DCC: variants seen among roughly 807,000 people sequenced by gnomAD.
The protein encoded by DCC is DCC netrin 1 receptor.
A neutral mutation model predicts 172.5 loss-of-function variants in DCC; 58 were observed. That is an observed-to-expected ratio of 0.34 (90% CI 0.27 to 0.42). DCC has a LOEUF of 0.42. DCC is among the 10% of genes least tolerant of loss of function. The pLI, the probability that DCC is intolerant of heterozygous loss-of-function variation, is 1.00. For missense variants in DCC, 1,740 were observed against 1,791.0 expected, an observed-to-expected ratio of 0.97 and a Z score of 0.51; for synonymous variants, 709 against 644.5, an observed-to-expected ratio of 1.10 and a Z score of -1.52.
At chr18:52,742,202 A>G (rs963510302) in intron 1 of DCC, among the ~76,000 whole-genome samples, 2 of 152,266 alleles carry the variant, frequency 1.3e-5, no homozygotes, top group Admixed American at 6.5e-5. Context: ...AATCTATGGT[A>G]TTTTGTTATG....
intron 12 of DCC, among the ~76,000 whole-genome samples, chr18:53,217,299 A>G (rs2055867974): frequency 1.1e-5 from 1 of 94,048 alleles, no homozygotes; most frequent in Non-Finnish European, 1.9e-5. Flanking sequence ...ACACACACAC[A>G]CATATGTATA....
intron 1 of DCC, among the ~76,000 whole-genome samples, chr18:52,673,588 AT>A (rs1399474678): frequency 6.6e-6 from 1 of 152,072 alleles, no homozygotes; most frequent in Non-Finnish European, 1.5e-5. Flanking sequence ...TTCACTATAA[AT>A]TTTTTCCCTC....
At chr18:52,809,552 C>T (rs1216539024) in intron 2 of DCC, 1 of 153,276 alleles carries the variant, frequency 6.5e-6, no homozygotes, top group Non-Finnish European at 1.4e-5. Context: ...AGCCTTTAGC[C>T]ATATCGGGAG....
chr18:53,320,262 C>T (rs776954566), intron 13 of DCC, among the ~76,000 whole-genome samples: 4 of 151,854 alleles, frequency 2.6e-5, no homozygotes, highest in African/African-American at 2.4e-5. Context: ...TTAGTAGAGA[C>T]GGGGTTCCAC....
intron 2 of DCC, among the ~76,000 whole-genome samples, chr18:52,857,548 T>G (rs1422414682): frequency 6.6e-6 from 1 of 152,216 alleles, no homozygotes; most frequent in African/African-American, 2.4e-5. Context: ...TGAATTTGGC[T>G]GTCTAGACAC....
intron 14 of DCC, among the ~76,000 whole-genome samples, chr18:53,337,776 C>T (rs949537610): frequency 2.6e-5 from 4 of 152,206 alleles, no homozygotes; most frequent in African/African-American, 9.6e-5. Flanking sequence ...CTATCTATCA[C>T]TTAAGCTAGA....
chr18:52,517,315 C>T (rs1050675276), intron 1 of DCC, among the ~76,000 whole-genome samples: 1 of 152,104 alleles, frequency 6.6e-6, no homozygotes, highest in African/African-American at 2.4e-5. Context: ...GTTCAGAGAC[C>T]ACTAGTTTAA....
At chr18:53,327,494 C>T (rs1250396140) in intron 14 of DCC, among the ~76,000 whole-genome samples, 1 of 151,034 alleles carries the variant, frequency 6.6e-6, no homozygotes, top group Non-Finnish European at 1.5e-5. Context: ...TTGCTATACG[C>T]TATCAATAAT....
At chr18:52,634,296 G>A (rs1252833190) in intron 1 of DCC, among the ~76,000 whole-genome samples, 1 of 152,156 alleles carries the variant, frequency 6.6e-6, no homozygotes, top group African/African-American at 2.4e-5. Flanking sequence ...TTTTTGGCAG[G>A]CATCTGTAAC....
chr18:53,384,687 GTAGTT>G (rs1385717090), intron 15 of DCC, among the ~76,000 whole-genome samples: 1 of 151,786 alleles, frequency 6.6e-6, no homozygotes, highest in Non-Finnish European at 1.5e-5. Flanking sequence ...TTTTCTTAAT[GTAGTT>G]TAGTTCATTT....
At chr18:52,415,122 A>G (rs1051521142) in intron 1 of DCC, among the ~76,000 whole-genome samples, 6 of 152,238 alleles carry the variant, frequency 3.9e-5, no homozygotes, top group Non-Finnish European at 8.8e-5. Flanking sequence ...AGATTTAAAA[A>G]TGACATTTTT....
chr18:52,821,084 CTCTT>C (rs1168728725), intron 2 of DCC, among the ~76,000 whole-genome samples: 2 of 152,288 alleles, frequency 1.3e-5, no homozygotes, highest in East Asian at 1.9e-4. Context: ...AACTCTAATA[CTCTT>C]TCTTCTTTCC....
chr18:52,949,306 G>C (rs777065798), intron 5 of DCC, among the ~76,000 whole-genome samples: 1 of 152,090 alleles, frequency 6.6e-6, no homozygotes, highest in Admixed American at 6.6e-5. Context: ...GGACCCAGCC[G>C]GAAAGCAAAT....
intron 7 of DCC, among the ~76,000 whole-genome samples, chr18:53,086,123 C>A (rs538948589): frequency 4.9e-5 from 1 of 20,544 alleles, no homozygotes; most frequent in African/African-American, 7.5e-4. Context: ...TCCTCCTCCT[C>A]CTCCTCCTCC....
At chr18:53,471,514 T>C (rs551924254) in intron 25 of DCC, among the ~76,000 whole-genome samples, 1 of 152,298 alleles carries the variant, frequency 6.6e-6, no homozygotes, top group African/African-American at 2.4e-5. Flanking sequence ...GTGACTTCCA[T>C]CACATGTAGA....
At chr18:52,839,168 A>G (rs1332295986) in intron 2 of DCC, among the ~76,000 whole-genome samples, 2 of 152,228 alleles carry the variant, frequency 1.3e-5, no homozygotes, top group African/African-American at 2.4e-5. Flanking sequence ...GAAATTATAC[A>G]AATGAATCAA....
rs550945905 is a variant in DCC, at chr18:52,634,361, T to C, written c.92-117693T>C. Among the ~76,000 whole-genome samples, 13 of 152,364 alleles carry C rather than the reference T, an allele frequency of 8.5e-5. No homozygotes were observed. In the South Asian group the frequency reaches 1.2e-3, roughly 15 times the overall value. ...TATGGTATTTCATTGTATTAGCACA[T>C]GTAGTATTTGTATGGAATTTTTGTA... On this transcript the variant is annotated intron_variant, in intron 1 of 28. Transcript: ENST00000442544.
intron 12 of DCC, among the ~76,000 whole-genome samples, chr18:53,258,878 T>C (rs112498860): frequency 0.062 from 9,408 of 152,254 alleles, 851 homozygotes; most frequent in African/African-American, 0.2. Flanking sequence ...ACTTGCTTTA[T>C]GAATCTGGGT....
intron 1 of DCC, among the ~76,000 whole-genome samples, chr18:52,483,065 G>C (rs1240448205): frequency 6.6e-6 from 1 of 152,106 alleles, no homozygotes; most frequent in East Asian, 1.9e-4. Context: ...GGTGACTCCA[G>C]ACATGCTTTG....
Sources: gnomAD v4.1 joint callset for allele counts (sites outside exome capture counted in the v4.1 genomes callset) on GRCh38, gnomAD v4.1.1 for gene constraint, MANE v1.5 for transcripts, NCBI Gene and HGNC (gene_info 2026-07-23, HGNC 2026-07-21) for gene names.